SIMC1: variants seen among roughly 807,000 people sequenced by gnomAD.
The protein encoded by SIMC1 is SUMO-interacting motif-containing protein 1.
Under a neutral mutation model 82.3 loss-of-function variants are expected in SIMC1, and 55 were observed. The observed-to-expected ratio is 0.67, with a 90% confidence interval of 0.54 to 0.84. The LOEUF (loss-of-function observed/expected upper bound fraction) is 0.84, where lower values mean the gene tolerates loss of function less well. SIMC1 is among the 40% of genes least tolerant of loss of function. The pLI, the probability that SIMC1 is intolerant of heterozygous loss-of-function variation, is 0.00. For missense variants in SIMC1, 915 were observed against 1,107.2 expected (o/e 0.83, Z 2.46); for synonymous variants, 353 against 426.3 (o/e 0.83, Z 2.12).
chr5:176,313,868 G>C, intron 5 of SIMC1, 23 bp downstream of exon 5: 1 of 1,612,504 alleles, frequency 6.2e-7, no homozygotes, highest in Non-Finnish European at 8.5e-7. Context: ...CTGAGCCCTC[G>C]GATGAGAAGA....
At chr5:176,288,465 G>T (rs552931881) in intron 1 of SIMC1, among the ~76,000 whole-genome samples, 12 of 116,630 alleles carry the variant, frequency 1.0e-4, no homozygotes, top group Non-Finnish European at 2.0e-4. Flanking sequence ...AAATGGGAGA[G>T]ACCTGGTGAT....
At chr5:176,302,240 G>A (rs887634832) in intron 4 of SIMC1, among the ~76,000 whole-genome samples, 6 of 152,098 alleles carry the variant, frequency 3.9e-5, no homozygotes, top group Admixed American at 6.6e-5. Context: ...CCATGAACAT[G>A]TGGGATTTAT....
intron 7 of SIMC1, among the ~76,000 whole-genome samples, chr5:176,336,026 A>G (rs1765873829): frequency 7.2e-6 from 1 of 139,700 alleles, no homozygotes; most frequent in Non-Finnish European, 1.6e-5. Context: ...CCTGGATGAC[A>G]GAGTGAGACC....
chr5:176,308,690 T>G (rs1764532357), intron 4 of SIMC1: 1 of 1,538,368 alleles, frequency 6.5e-7, no homozygotes. Context: ...AGGAAAGGTA[T>G]GAGAGAATCG....
At chr5:176,289,416 A>G (rs920658804) in intron 1 of SIMC1, among the ~76,000 whole-genome samples, 1 of 113,514 alleles carries the variant, frequency 8.8e-6, no homozygotes, top group Non-Finnish European at 2.0e-5. Context: ...CTTGGACCAG[A>G]AAAAAAAAAA....
chr5:176,294,142 C>T (rs949611884), intron 2 of SIMC1, among the ~76,000 whole-genome samples: 7 of 152,208 alleles, frequency 4.6e-5, no homozygotes, highest in Non-Finnish European at 1.0e-4. Flanking sequence ...CCTAGGCTAC[C>T]TGTTGACCCT....
intron 4 of SIMC1, among the ~76,000 whole-genome samples, chr5:176,309,761 T>C (rs541305709): frequency 6.6e-6 from 1 of 152,226 alleles, no homozygotes; most frequent in African/African-American, 2.4e-5. Flanking sequence ...ATAGTGAGAC[T>C]CTGTCTCTAC....
chr5:176,275,386 C>G (rs143530164), intron 1 of SIMC1, among the ~76,000 whole-genome samples: 149,676 of 151,794 alleles, frequency 0.99, 73,834 homozygotes, highest in Middle Eastern at 1. Context: ...AGACAATGGG[C>G]TTTTCTAAAT....
At chr5:176,292,085 T>A (rs1763601471) in intron 2 of SIMC1, among the ~76,000 whole-genome samples, 2 of 152,142 alleles carry the variant, frequency 1.3e-5, no homozygotes, top group Admixed American at 6.5e-5. Flanking sequence ...TATCTTCAAC[T>A]CCTATGCTTT....
chr5:176,287,802 TAAATC>T (rs974489982), intron 1 of SIMC1, among the ~76,000 whole-genome samples: 18 of 151,952 alleles, frequency 1.2e-4, no homozygotes, highest in Non-Finnish European at 2.9e-5. Context: ...TCAATATACA[TAAATC>T]AAGTATATTT....
chr5:176,253,276 C>T (rs1761748750), intron 1 of SIMC1, among the ~76,000 whole-genome samples: 1 of 152,180 alleles, frequency 6.6e-6, no homozygotes, highest in South Asian at 2.1e-4. Context: ...GGTAACCCGA[C>T]CTTTCCCTCT....
rs57239326 is a variant in SIMC1, at chr5:176,255,577, C to CT, written c.129+16960dup. Among the ~76,000 whole-genome samples, 178 of 134,336 alleles carry CT rather than the reference C, an allele frequency of 1.3e-3. 2 individuals are homozygous for CT. Among genetic ancestry groups the CT allele is most frequent in the South Asian group, 4.6e-3 (19 of 4,154 alleles). 88.1% of individuals were successfully genotyped at this position (134,336 alleles called of 152,430 possible). ...AGCCTGGGTGACAGAGTGAGACTGT[C>CT]TTTTTTTTTTTTTTTTTTTTAAAGA... On this transcript the variant is annotated intron_variant, in intron 1 of 9. Coordinates refer to ENST00000429602, the MANE Select transcript of SIMC1 (RefSeq NM_001308195.2).
In SIMC1 at chr5:176,290,713, C is replaced by G. The variant is rs1344098767; in HGVS notation, c.1189C>G (p.Pro397Ala). 3.7e-6 allele frequency: 6 copies of G among 1,613,830 alleles called. No individual in the cohort carries two copies. The highest frequency in any genetic ancestry group is 5.1e-6 in the Non-Finnish European group (6 of 1,179,860). Reference protein sequence around the residue: ...ISALSSPSCSPSPQSETPLEK... With the variant: ...ISALSSPSCSASPQSETPLEK... ...AGCTCTGTCCTCTCCAAGCTGCTCT[C>G]CCAGCCCACAGTCTGAAACTCCCTT... Residue 397 changes from proline to alanine, a missense_variant, in exon 2 of 10, where the codon CCC (proline) becomes GCC (alanine). Physicochemically the swap from Pro to Ala is conservative, Grantham distance 27. Transcript: ENST00000429602.
intron 4 of SIMC1, chr5:176,308,885 CAG>C (rs1764539992): frequency 1.5e-6 from 2 of 1,326,510 alleles, no homozygotes; most frequent in Non-Finnish European, 2.2e-6. Context: ...TCTGTGCAGT[CAG>C]ATGTCAGCAG....
At chr5:176,280,724 G>T (rs1411525560) in intron 1 of SIMC1, among the ~76,000 whole-genome samples, 6 of 151,828 alleles carry the variant, frequency 4.0e-5, no homozygotes, top group South Asian at 2.1e-4. Flanking sequence ...TGAAATTCTG[G>T]GTTGAAAATT....
At chr5:176,320,537 T>G (rs552664927) in intron 5 of SIMC1, among the ~76,000 whole-genome samples, 4 of 151,868 alleles carry the variant, frequency 2.6e-5, no homozygotes, top group Admixed American at 6.6e-5. Context: ...CCCTGCTAAT[T>G]TTTAGTATTT....
At chr5:176,311,527 A>G (rs1367181814) in intron 4 of SIMC1, among the ~76,000 whole-genome samples, 1 of 151,972 alleles carries the variant, frequency 6.6e-6, no homozygotes, top group Non-Finnish European at 1.5e-5. Context: ...ACAGGCATGA[A>G]TGACTATGCC....
intron 7 of SIMC1, among the ~76,000 whole-genome samples, chr5:176,334,615 C>T (rs1765806155): frequency 6.6e-6 from 1 of 152,120 alleles, no homozygotes; most frequent in South Asian, 2.1e-4. Flanking sequence ...TCCTGAGCAC[C>T]CTATTCTCTG....
chr5:176,238,656 G>C lies in SIMC1; in HGVS notation c.129+19G>C, dbSNP rs897783175. ...GACCGTGGTGAGTGAGCGTCGCCTC[G>C]TTTGGGGGCGCGCGTCTTCGCGACC... On this transcript the variant is annotated intron_variant, in intron 1 of 9. Transcript: ENST00000429602. 1.7e-6 allele frequency: 2 copies of C among 1,176,856 alleles called. No homozygotes were observed. Among genetic ancestry groups the C allele is most frequent in the African/African-American group, 3.3e-5 (2 of 61,358 alleles). The allele number at this position is 1,176,856 out of a possible 1,614,324, so 72.9% of individuals were successfully genotyped here.
Sources: allele counts gnomAD v4.1 joint callset (sites outside exome capture counted in the v4.1 genomes callset), GRCh38; gene constraint gnomAD v4.1.1; transcripts MANE v1.5; gene names NCBI Gene and HGNC (gene_info 2026-07-23, HGNC 2026-07-21).